Variants in MARCHF10 observed in about 807,000 individuals in gnomAD.
MARCHF10 encodes membrane associated ring-CH-type finger 10.
In MARCHF10, 64 loss-of-function variants were observed where a neutral mutation model predicts 76.2. The observed-to-expected ratio is 0.84, with a 90% CI of 0.69 to 1.03. The LOEUF is 1.03. Among genes scored for constraint, MARCHF10 ranks in the 50% least tolerant of loss-of-function variants. The probability of loss-of-function intolerance (pLI) is 0.00; values close to 1 mark genes in which losing one functional copy is unlikely to be tolerated. For missense variants in MARCHF10, 875 were observed against 958.0 expected (o/e 0.91, Z 1.14); for synonymous variants, 340 against 357.5 (o/e 0.95, Z 0.55).
At chr17:62,747,358 A>G (rs188260525) in intron 4 of MARCHF10, among the ~76,000 whole-genome samples, 8 of 152,354 alleles carry the variant, frequency 5.3e-5, no homozygotes, top group Admixed American at 5.2e-4. Flanking sequence ...AGATCTCTTA[A>G]ATGATTGCCA....
At chr17:62,723,536 T>C (rs76125326) in intron 7 of MARCHF10, among the ~76,000 whole-genome samples, 2,376 of 150,862 alleles carry the variant, frequency 0.016, 54 homozygotes, top group African/African-American at 0.055. Context: ...AAGTAATCCC[T>C]TATCTGCATT....
chr17:62,704,941 C>A, intron 10 of MARCHF10: 1 of 964,862 alleles, frequency 1.0e-6, no homozygotes, highest in Non-Finnish European at 1.2e-6. Flanking sequence ...CGTTTTTCTC[C>A]AGTCGTTTTT....
Position 62,712,664 on chromosome 17 carries a change from C to A in MARCHF10, c.2215-1320G>T, listed in dbSNP as rs1266596354. ...TAGCAGTTAGCCTCCTATTTTTAGC[C>A]TTTGGTCGTGTTTTTTGTGCTCTGC... On this transcript the variant is annotated intron_variant, in intron 8 of 10. Transcript: ENST00000311269. The surrounding 1 kb of genome is among the most constrained non-coding windows in gnomAD (Gnocchi z 4.2). Among the ~76,000 whole-genome samples, 1 of 152,202 alleles carries A rather than the reference C, an allele frequency of 6.6e-6. No homozygotes were observed. The highest frequency in any genetic ancestry group is 1.5e-5 in the Non-Finnish European group (1 of 68,042).
rs757099941 is a variant in MARCHF10, at chr17:62,725,062, G to T, written c.1980C>A (p.Arg660=). The stretch of plus-strand genomic sequence containing the variant: ...GGGAACCCCCGGCTATCTGACAGAT[G>T]CGACACAAGTCTCCCTCCTCCTCGG... The part of the protein sequence containing the change: ...EDSEEEGDLC[R]ICQIAGGSPS... Residue 660 remains arginine (R), a synonymous_variant, in exon 7 of 11, where the codon CGC becomes CGA. Coordinates refer to ENST00000311269, the MANE Select transcript of MARCHF10 (RefSeq NM_152598.4). 2.5e-6 allele frequency: 4 copies of T among 1,605,700 alleles called. No individual in the cohort carries two copies. In the African/African-American group the frequency reaches 5.4e-5, roughly 22 times the overall value.
chr17:62,739,582 T>C (rs944036032), intron 5 of MARCHF10, among the ~76,000 whole-genome samples: 24 of 152,022 alleles, frequency 1.6e-4, no homozygotes, highest in African/African-American at 2.4e-5. Flanking sequence ...GGTTTCTCCA[T>C]GTTGGTCAGG....
chr17:62,757,663 C>T (rs1314694205), intron 4 of MARCHF10, among the ~76,000 whole-genome samples: 2 of 152,228 alleles, frequency 1.3e-5, no homozygotes, highest in African/African-American at 4.8e-5. Flanking sequence ...ACTGCTCTGC[C>T]TGGGGACAGC....
intron 8 of MARCHF10, 146 bp downstream of exon 8, chr17:62,722,342 C>T: frequency 2.2e-6 from 1 of 456,800 alleles, no homozygotes; most frequent in Admixed American, 3.5e-5. Flanking sequence ...GGCAGGTCTT[C>T]TCAGAGAAGT....
chr17:62,736,949 A>G lies in MARCHF10; in HGVS notation c.919T>C (p.Ser307Pro), dbSNP rs1159002950. 2.5e-6 allele frequency: 4 copies of G among 1,613,956 alleles called. No individual in the cohort carries two copies. The highest frequency in any genetic ancestry group is 3.4e-6 in the Non-Finnish European group (4 of 1,180,030). Residue 307 changes from serine (S) to proline (P), a missense_variant, in exon 6 of 11, where the codon TCA (serine) becomes CCA (proline). Ser to Pro is a moderately conservative substitution (Grantham distance 74). Coordinates refer to ENST00000311269, the MANE Select transcript of MARCHF10 (RefSeq NM_152598.4). ...TTGTGATGGGAAGGAGAACAGGGTG[A>G]GCGCACACCAACCCACAGACATTCT... The part of the protein sequence containing the change: ...SEECLWVGVR[S>P]PCSPSHHKRS...
intron 1 of MARCHF10, among the ~76,000 whole-genome samples, 182 bp from the exon 2 acceptor site, chr17:62,801,934 C>T (rs1161053493): frequency 6.6e-6 from 1 of 152,234 alleles, no homozygotes; most frequent in African/African-American, 2.4e-5. Flanking sequence ...CCCTTACAGT[C>T]CTCCTGTTCC....
intron 3 of MARCHF10, among the ~76,000 whole-genome samples, chr17:62,783,770 C>A (rs2092702440): frequency 6.6e-6 from 1 of 152,144 alleles, no homozygotes; most frequent in Non-Finnish European, 1.5e-5. Context: ...ACTAGAAAAT[C>A]TAGAAGAAAT....
intron 6 of MARCHF10, among the ~76,000 whole-genome samples, chr17:62,725,593 T>G (rs185816469): frequency 1.3e-5 from 2 of 152,312 alleles, no homozygotes; most frequent in Admixed American, 1.3e-4. Context: ...ACAGGCTTCT[T>G]TGCAATTGTC....
intron 2 of MARCHF10, among the ~76,000 whole-genome samples, chr17:62,794,101 CCCATCAACCACCACCACCACCT>C (rs2092942810): frequency 6.9e-6 from 1 of 145,276 alleles, no homozygotes; most frequent in African/African-American, 2.6e-5. Flanking sequence ...CGCCACCACC[CCCATCAACCACCACCACCACCT>C]CCATCACCAC....
At chr17:62,795,924 A>T (rs2092976876) in intron 2 of MARCHF10, among the ~76,000 whole-genome samples, 1 of 152,116 alleles carries the variant, frequency 6.6e-6, no homozygotes, top group South Asian at 2.1e-4. Context: ...CCCACCACAA[A>T]GTCACCATAG....
At chr17:62,754,142 G>C (rs1351422071) in intron 4 of MARCHF10, among the ~76,000 whole-genome samples, 1 of 152,116 alleles carries the variant, frequency 6.6e-6, no homozygotes, top group South Asian at 2.1e-4. Context: ...ACACAATCTC[G>C]GCTCACTGCA....
chr17:62,801,874 G>C (rs956502933), intron 1 of MARCHF10, 122 bp from the exon 2 acceptor site: 2 of 739,702 alleles, frequency 2.7e-6, no homozygotes, highest in African/African-American at 3.4e-5. Context: ...TGTTTGAAAG[G>C]CACAGATGCT....
At chr17:62,798,502 G>A (rs1390349508) in intron 2 of MARCHF10, among the ~76,000 whole-genome samples, 2 of 151,212 alleles carry the variant, frequency 1.3e-5, no homozygotes, top group Non-Finnish European at 2.9e-5. Flanking sequence ...GAGTAATAAC[G>A]TCAAAGGTAG....
At chr17:62,797,204 A>T (rs2092999724) in intron 2 of MARCHF10, among the ~76,000 whole-genome samples, 1 of 152,056 alleles carries the variant, frequency 6.6e-6, no homozygotes, top group East Asian at 1.9e-4. Flanking sequence ...GAATTTTATG[A>T]TATATAATTT....
intron 3 of MARCHF10, among the ~76,000 whole-genome samples, chr17:62,769,240 A>G (rs139890472): frequency 1.1e-3 from 162 of 152,308 alleles, no homozygotes; most frequent in Non-Finnish European, 1.7e-3. Flanking sequence ...ATGTAAAGGT[A>G]CATTTTTTCC....
Position 62,705,020 on chromosome 17 carries a change from G to T in MARCHF10, c.2371+519C>A. The T allele has an allele frequency of 3.0e-6, 3 of 987,916 alleles. No individual in the cohort carries two copies. The African/African-American group carries it at 5.3e-5, about 18-fold the overall frequency. The allele number at this position is 987,916 out of a possible 1,614,324, so 61.2% of individuals were successfully genotyped here. On this transcript the variant is annotated intron_variant, in intron 10 of 10. Transcript: ENST00000311269. The stretch of plus-strand genomic sequence containing the variant: ...GAACCTGTTTGCAGAGAGCCGTCTT[G>T]CCCGCTTTGAGGGCCCTTTCTTGGG...
Sources: allele counts gnomAD v4.1 joint callset (sites outside exome capture counted in the v4.1 genomes callset), GRCh38; gene constraint gnomAD v4.1.1; non-coding constraint Gnocchi (gnomAD v3.1); transcripts MANE v1.5; gene names NCBI Gene and HGNC (gene_info 2026-07-23, HGNC 2026-07-21).